BACH2: variants seen among roughly 807,000 people sequenced by gnomAD.
The protein encoded by BACH2 is BACH transcriptional regulator 2.
BACH2 carries 5 observed loss-of-function variants against 61.8 expected under a neutral mutation model. The observed-to-expected ratio is 0.08, with a 90% CI of 0.04 to 0.17. BACH2 has a LOEUF of 0.17. BACH2 is among the 10% of genes least tolerant of loss of function. The probability of loss-of-function intolerance (pLI) is 1.00; values close to 1 mark genes in which losing one functional copy is unlikely to be tolerated. For missense variants in BACH2, 824 were observed against 1,091.1 expected (o/e 0.76, Z 3.45); for synonymous variants, 446 against 440.1 (o/e 1.01, Z -0.17).
At chr6:89,970,707 CAGATCTTACAACA>C (rs933791309) in intron 6 of BACH2, among the ~76,000 whole-genome samples, 2 of 152,180 alleles carry the variant, frequency 1.3e-5, no homozygotes, top group Non-Finnish European at 2.9e-5. Context: ...TGGCCCCCCC[CAGATCTTACAACA>C]AGCACTGCCG....
chr6:90,183,100 G>A (rs4707604), intron 4 of BACH2, among the ~76,000 whole-genome samples: 2,687 of 152,312 alleles, frequency 0.018, 47 homozygotes, highest in East Asian at 0.068. Context: ...TAGCTGGAAT[G>A]TGACAGATGT....
At chr6:89,946,036 C>T (rs897511692) in intron 7 of BACH2, among the ~76,000 whole-genome samples, 2 of 152,060 alleles carry the variant, frequency 1.3e-5, no homozygotes, top group East Asian at 1.9e-4. Context: ...CTACATAAAA[C>T]TAATATTTTT....
chr6:90,276,920 CTATA>C (rs1771713355), intron 1 of BACH2, among the ~76,000 whole-genome samples: 1 of 152,136 alleles, frequency 6.6e-6, no homozygotes, highest in South Asian at 2.1e-4. Context: ...CAAATTCTCT[CTATA>C]TGAGAATTGA....
intron 4 of BACH2, among the ~76,000 whole-genome samples, chr6:90,127,497 C>T (rs551311157): frequency 6.6e-6 from 1 of 152,300 alleles, no homozygotes; most frequent in Non-Finnish European, 1.5e-5. Context: ...GCCAGGATAA[C>T]AGCTTTCTGA....
intron 4 of BACH2, among the ~76,000 whole-genome samples, chr6:90,123,791 A>G (rs1017460300): frequency 2.0e-5 from 3 of 149,716 alleles, no homozygotes; most frequent in South Asian, 2.1e-4. Flanking sequence ...AAAAAAAAAA[A>G]AAGAAGACCG....
chr6:90,106,380 A>G (rs569121455), intron 4 of BACH2, among the ~76,000 whole-genome samples: 111 of 152,354 alleles, frequency 7.3e-4, no homozygotes, highest in African/African-American at 2.5e-3. Context: ...TTCTAACATC[A>G]TATTTTTACT....
intron 5 of BACH2, among the ~76,000 whole-genome samples, chr6:90,060,783 T>C (rs956218512): frequency 3.3e-5 from 5 of 152,146 alleles, no homozygotes; most frequent in African/African-American, 1.2e-4. Context: ...AATTTAGTGG[T>C]ACTACCAACC....
At chr6:90,133,637 CTGAT>C (rs1367539948) in intron 4 of BACH2, among the ~76,000 whole-genome samples, 3 of 151,998 alleles carry the variant, frequency 2.0e-5, no homozygotes, top group Non-Finnish European at 4.4e-5. Flanking sequence ...GTGTGCTGCA[CTGAT>C]TAAGTCGTCA....
chr6:90,128,299 T>C (rs1783943307), intron 4 of BACH2, among the ~76,000 whole-genome samples: 1 of 151,922 alleles, frequency 6.6e-6, no homozygotes, highest in Non-Finnish European at 1.5e-5. Context: ...TAAGAGTCTA[T>C]AGGCCAGGCG....
intron 4 of BACH2, among the ~76,000 whole-genome samples, chr6:90,120,283 C>T (rs1313293348): frequency 1.3e-5 from 2 of 152,146 alleles, no homozygotes; most frequent in East Asian, 3.8e-4. Flanking sequence ...TCTTTGGCTT[C>T]GTTTCTTTAT....
chr6:90,064,715 T>A (rs1780855550), intron 5 of BACH2, among the ~76,000 whole-genome samples: 2 of 152,138 alleles, frequency 1.3e-5, no homozygotes, highest in Non-Finnish European at 2.9e-5. Flanking sequence ...TAAAGATCCT[T>A]AATGAGAATC....
At chr6:90,248,859 T>C (rs1236961147) in intron 3 of BACH2, among the ~76,000 whole-genome samples, 1 of 152,222 alleles carries the variant, frequency 6.6e-6, no homozygotes, top group Non-Finnish European at 1.5e-5. Context: ...GCTGCTTCAC[T>C]ACTACCCTGT....
chr6:90,180,433 A>T (rs1313140228), intron 4 of BACH2, among the ~76,000 whole-genome samples: 1 of 152,216 alleles, frequency 6.6e-6, no homozygotes, highest in East Asian at 1.9e-4. Flanking sequence ...TTACATGAAT[A>T]AACTGTATAG....
intron 3 of BACH2, among the ~76,000 whole-genome samples, chr6:90,207,559 C>G (rs373626559): frequency 6.6e-6 from 1 of 152,054 alleles, no homozygotes; most frequent in African/African-American, 2.4e-5. Context: ...TCCTGATACT[C>G]AATTTGTGTG....
Position 89,973,792 on chromosome 6 carries a change from A to G in BACH2, c.244-21930T>C, listed in dbSNP as rs575861695. On this transcript the variant is annotated intron_variant, in intron 6 of 8. Transcript: ENST00000257749. ...AGTTCCCTGGCAAAGGTAGGTTCTT[A>G]TGTAAGTTAAAGTGATGCAGGCATT... is the stretch of plus-strand genomic sequence containing the variant. Among the ~76,000 whole-genome samples the G allele has an allele frequency of 3.3e-5, 5 of 152,184 alleles. No homozygotes were observed. The South Asian group carries it at 1.0e-3, about 32-fold the overall frequency.
At chr6:90,271,366 T>TAAAAAAAAAAAAAAAA (rs3073450) in intron 2 of BACH2, among the ~76,000 whole-genome samples, 1 of 103,878 alleles carries the variant, frequency 9.6e-6, no homozygotes. Flanking sequence ...CAACCCCATT[T>TAAAAAAAAAAAAAAAA]AAAAAAAAAA....
At position 90,132,435 on chromosome 6, in the gene BACH2, A is replaced by C. The variant is rs1455285185; in HGVS notation, c.-161-43326T>G. Among the ~76,000 whole-genome samples, 4 of 152,228 alleles carry C rather than the reference A, an allele frequency of 2.6e-5. 1 individual carries two copies. In the South Asian group the frequency reaches 6.2e-4, roughly 24 times the overall value. On this transcript the variant is annotated intron_variant, in intron 4 of 8. Coordinates refer to ENST00000257749, the MANE Select transcript of BACH2 (RefSeq NM_021813.4). ...CTACCAATCATACTTCCAGGCTCCT[A>C]GACTTGGAGCCTCAGGGTCTTCTCT...
At chr6:90,010,215 C>T (rs765851294) in intron 5 of BACH2, among the ~76,000 whole-genome samples, 4 of 152,130 alleles carry the variant, frequency 2.6e-5, no homozygotes, top group African/African-American at 9.7e-5. Flanking sequence ...TCCATCATCA[C>T]CAAAAGTCTC....
chr6:90,074,845 T>C (rs1781399689), intron 5 of BACH2, among the ~76,000 whole-genome samples: 1 of 152,116 alleles, frequency 6.6e-6, no homozygotes, highest in Non-Finnish European at 1.5e-5. Flanking sequence ...CACAGACCTA[T>C]TTCTCCTAAG....
Sources: allele counts gnomAD v4.1 joint callset (sites outside exome capture counted in the v4.1 genomes callset), GRCh38; gene constraint gnomAD v4.1.1; transcripts MANE v1.5; gene names NCBI Gene and HGNC (gene_info 2026-07-23, HGNC 2026-07-21).